The following CHUK variants were observed in gnomAD, a reference collection of about 807,000 sequenced individuals.
CHUK encodes component of inhibitor of nuclear factor kappa B kinase complex, also known as inhibitor of nuclear factor kappa-B kinase subunit alpha.
CHUK carries 35 observed loss-of-function variants against 104.8 expected under a neutral mutation model. The ratio of observed to expected loss-of-function variants is 0.33; its 90% confidence interval spans 0.26 to 0.44. The LOEUF (loss-of-function observed/expected upper bound fraction) is 0.44. CHUK is among the 20% of genes least tolerant of loss of function. CHUK has a pLI of 1.00. For missense variants in CHUK, 663 were observed against 902.7 expected (o/e 0.73, Z 3.40); for synonymous variants, 276 against 291.9 (o/e 0.95, Z 0.56).
intron 16 of CHUK, among the ~76,000 whole-genome samples, chr10:100,197,050 T>A (rs945671033): frequency 6.6e-6 from 1 of 152,190 alleles, no homozygotes; most frequent in African/African-American, 2.4e-5. Context: ...TTGGGCACTT[T>A]CGTCACTGTG....
At chr10:100,195,369 A>G (rs41290528) in intron 16 of CHUK, 1 of 152,304 alleles carries the variant, frequency 6.6e-6, no homozygotes, top group Non-Finnish European at 1.5e-5. Flanking sequence ...CCCCCATTTT[A>G]CCAAAAAGGA....
intron 9 of CHUK, among the ~76,000 whole-genome samples, chr10:100,211,803 AAT>A (rs1845734479): frequency 1.3e-5 from 2 of 152,148 alleles, no homozygotes; most frequent in Non-Finnish European, 2.9e-5. Flanking sequence ...TGGGAGTGCA[AAT>A]ATCTCTTCAC....
intron 13 of CHUK, among the ~76,000 whole-genome samples, chr10:100,203,746 C>G (rs868097840): frequency 1.3e-5 from 2 of 152,036 alleles, no homozygotes; most frequent in Non-Finnish European, 2.9e-5. Context: ...ACTGTGTACA[C>G]TAAAAAATAG....
chr10:100,201,712 A>G (rs1845466674), intron 14 of CHUK, among the ~76,000 whole-genome samples: 1 of 152,138 alleles, frequency 6.6e-6, no homozygotes, highest in African/African-American at 2.4e-5. Context: ...AAAGTTAGCC[A>G]GGCATGGTGG....
At chr10:100,217,959 A>T in intron 9 of CHUK, 36 bp downstream of exon 9, 1 of 1,588,744 alleles carries the variant, frequency 6.3e-7, no homozygotes, top group Non-Finnish European at 8.6e-7. Flanking sequence ...GTTACTTTCA[A>T]TGCTGGTCTT....
chr10:100,219,413 A>G lies in CHUK; in HGVS notation c.475-54T>C, dbSNP rs992423014. The G allele has an allele frequency of 3.0e-6, 3 of 1,015,168 alleles. No individual in the cohort carries two copies. The African/African-American group carries it at 4.8e-5, about 16-fold the overall frequency. 62.9% of individuals were successfully genotyped at this position (1,015,168 alleles called of 1,614,324 possible). ...TAAATGGTAGAGAAATTTAAAAAGGAAAGACAACAATATCCTTACGAGGCT... is the reference window on the plus strand; with the variant it reads ...TAAATGGTAGAGAAATTTAAAAAGGGAAGACAACAATATCCTTACGAGGCT... On this transcript the variant is annotated intron_variant, in intron 5 of 20. Transcript: ENST00000370397.
chr10:100,216,816 A>G (rs1845866386), intron 9 of CHUK, among the ~76,000 whole-genome samples: 1 of 152,218 alleles, frequency 6.6e-6, no homozygotes, highest in South Asian at 2.1e-4. Flanking sequence ...ATATCAATAA[A>G]TAATTTACTA....
chr10:100,208,617 C>G (rs17879096), intron 10 of CHUK, among the ~76,000 whole-genome samples: 305 of 152,228 alleles, frequency 2.0e-3, no homozygotes, highest in African/African-American at 7.2e-3. Context: ...AACCCCGTCT[C>G]TACTAAAGAT....
chr10:100,193,691 T>C, intron 18 of CHUK: 1 of 594,922 alleles, frequency 1.7e-6, no homozygotes, highest in East Asian at 2.9e-5. Flanking sequence ...CCCAGTTGAA[T>C]AGATGGTCAA....
intron 10 of CHUK, among the ~76,000 whole-genome samples, chr10:100,209,241 G>A (rs750808337): frequency 2.0e-5 from 3 of 152,262 alleles, no homozygotes; most frequent in Middle Eastern, 3.4e-3. Context: ...TGGTCTGGCG[G>A]TAATTTCCAG....
At chr10:100,229,373 C>T in intron 1 of CHUK, 55 bp downstream of exon 1, 2 of 1,343,152 alleles carry the variant, frequency 1.5e-6, no homozygotes, top group Non-Finnish European at 2.1e-6. Context: ...TCCACAGACG[C>T]TCAAACCCAC....
chr10:100,195,077 T>G (rs1845293227), intron 16 of CHUK: 1 of 152,374 alleles, frequency 6.6e-6, no homozygotes, highest in Non-Finnish European at 1.5e-5. Flanking sequence ...CAGTATGACA[T>G]CTTAAAGCCA....
chr10:100,224,445 ATTAT>A (rs1387260536), intron 2 of CHUK, among the ~76,000 whole-genome samples: 1 of 151,982 alleles, frequency 6.6e-6, no homozygotes, highest in Non-Finnish European at 1.5e-5. Context: ...TTTATTTTTT[ATTAT>A]TTATTTATTT....
chr10:100,216,655 C>T (rs17884158), intron 9 of CHUK, among the ~76,000 whole-genome samples: 325 of 152,284 alleles, frequency 2.1e-3, no homozygotes, highest in Non-Finnish European at 3.7e-3. Context: ...AGTGAGCTAT[C>T]TCGCCATGTA....
intron 9 of CHUK, among the ~76,000 whole-genome samples, chr10:100,212,819 A>T (rs1189271765): frequency 1.3e-5 from 2 of 152,036 alleles, no homozygotes; most frequent in Non-Finnish European, 2.9e-5. Flanking sequence ...AGCCTGGCCA[A>T]CATGGTGAAA....
intron 20 of CHUK, chr10:100,190,068 C>G (rs1213517823): frequency 1.3e-5 from 2 of 157,568 alleles, no homozygotes; most frequent in Admixed American, 1.3e-4. Flanking sequence ...CTGTCACAGG[C>G]TGGAGTGCAA....
At chr10:100,212,255 C>T (rs1167191694) in intron 9 of CHUK, among the ~76,000 whole-genome samples, 1 of 152,116 alleles carries the variant, frequency 6.6e-6, no homozygotes, top group Non-Finnish European at 1.5e-5. Flanking sequence ...TACATTCCCA[C>T]CAACAGTGTA....
intron 1 of CHUK, among the ~76,000 whole-genome samples, chr10:100,228,938 T>G (rs559409749): frequency 8.6e-5 from 13 of 151,544 alleles, no homozygotes; most frequent in African/African-American, 3.1e-4. Context: ...AAGCCTTCCT[T>G]GTCTACTCCA....
chr10:100,191,965 A>T (rs1242536048), intron 19 of CHUK, among the ~76,000 whole-genome samples: 1 of 152,176 alleles, frequency 6.6e-6, no homozygotes, highest in African/African-American at 2.4e-5. Flanking sequence ...CTAAAATACA[A>T]AAATTAGCCA....
Sources: gnomAD v4.1 joint callset for allele counts (sites outside exome capture counted in the v4.1 genomes callset) on GRCh38, gnomAD v4.1.1 for gene constraint, MANE v1.5 for transcripts, NCBI Gene and HGNC (gene_info 2026-07-23, HGNC 2026-07-21) for gene names.